DOCK5: variants seen among roughly 807,000 people sequenced by gnomAD.
DOCK5 encodes dedicator of cytokinesis protein 5.
DOCK5 carries 142 observed loss-of-function variants against 251.8 expected under a neutral mutation model. The observed-to-expected ratio is 0.56, with a 90% CI of 0.49 to 0.65. The LOEUF (loss-of-function observed/expected upper bound fraction) is 0.65, where lower values mean the gene tolerates loss of function less well. Among genes scored for constraint, DOCK5 ranks in the 30% least tolerant of loss-of-function variants. DOCK5 has a pLI of 0.00. For synonymous variants in DOCK5, 842 were observed against 835.5 expected, an observed-to-expected ratio of 1.01 and a Z score of -0.13; for missense variants, 2,111 against 2,312.3, an observed-to-expected ratio of 0.91 and a Z score of 1.79.
At chr8:25,257,740 C>G (rs964640769) in intron 2 of DOCK5, among the ~76,000 whole-genome samples, 1 of 152,108 alleles carries the variant, frequency 6.6e-6, no homozygotes, top group African/African-American at 2.4e-5. Flanking sequence ...TAGCATAACT[C>G]TTTATAAAAA....
At chr8:25,193,402 G>A (rs979168162) in intron 1 of DOCK5, among the ~76,000 whole-genome samples, 22 of 149,482 alleles carry the variant, frequency 1.5e-4, no homozygotes, top group African/African-American at 5.2e-4. Context: ...TTGCATTTAG[G>A]TACTTAGACA....
chr8:25,414,725 C>T lies in DOCK5; in HGVS notation c.*3427C>T, dbSNP rs1479498826. The T allele has an allele frequency of 6.6e-6, 1 of 152,112 alleles. No homozygotes were observed. The highest frequency in any genetic ancestry group is 1.5e-5 in the Non-Finnish European group (1 of 68,024). 9.4% of individuals were successfully genotyped at this position (152,112 alleles called of 1,614,324 possible). A position where few individuals can be genotyped will look rare whatever the true frequency, so the allele number is the denominator to read the frequency against. ...ACTGTTTTCAGCACCCCAGAAAGTT[C>T]CCACATGCCCATGGTGCCATTTTGT... is the stretch of plus-strand genomic sequence containing the variant. On this transcript the variant is annotated 3_prime_UTR_variant, in exon 52 of 52. Coordinates refer to ENST00000276440, the MANE Select transcript of DOCK5 (RefSeq NM_024940.8).
intron 27 of DOCK5, among the ~76,000 whole-genome samples, chr8:25,358,243 G>T (rs549084360): frequency 9.4e-4 from 143 of 152,330 alleles, no homozygotes; most frequent in African/African-American, 3.2e-3. Flanking sequence ...AATCATGGCA[G>T]AAGAGGAAGC....
rs774916006 is a variant in DOCK5 at position 25,410,109 on chromosome 8, G to A, written c.5415G>A (p.Ser1805=). The A allele has an allele frequency of 1.2e-5, 19 of 1,613,062 alleles. No homozygotes were observed. Among genetic ancestry groups the A allele is most frequent in the Admixed American group, 5.0e-5 (3 of 59,862 alleles). Residue 1805 remains serine, a synonymous_variant, in exon 51 of 52, where the codon TCG becomes TCA. Transcript: ENST00000276440. ...PKATRTLSSP[S]LQTDGIAATP... ...TTCTGTCATTTCTAGGCTCCCCATC[G>A]TTGCAGACAGATGGAATCGCGGCCA...
chr8:25,204,796 T>G (rs1801962122), intron 1 of DOCK5, among the ~76,000 whole-genome samples: 1 of 152,216 alleles, frequency 6.6e-6, no homozygotes, highest in South Asian at 2.1e-4. Flanking sequence ...ACTTGTGATC[T>G]TTTTCATCTG....
intron 1 of DOCK5, among the ~76,000 whole-genome samples, chr8:25,235,046 G>A (rs1279641222): frequency 6.6e-6 from 1 of 152,120 alleles, no homozygotes; most frequent in Non-Finnish European, 1.5e-5. Flanking sequence ...TGGAGGGGAG[G>A]AGACTGCTCT....
At chr8:25,318,130 C>CA in intron 14 of DOCK5, among the ~76,000 whole-genome samples, 1 of 151,984 alleles carries the variant, frequency 6.6e-6, no homozygotes, top group African/African-American at 2.4e-5. Context: ...GCACTGTCAC[C>CA]CAGGATGAAG....
Position 25,288,099 on chromosome 8 carries a change from T to C in DOCK5, c.322-3925T>C, listed in dbSNP as rs929615125. The stretch of plus-strand genomic sequence containing the variant: ...CGGGGTTTCACCGTGTTGGTCAGGC[T>C]GGTCTCGAACTCCTGACCTCAGGTG... On this transcript the variant is annotated intron_variant, in intron 5 of 51. Coordinates refer to ENST00000276440, the MANE Select transcript of DOCK5 (RefSeq NM_024940.8). Among the ~76,000 whole-genome samples the C allele has an allele frequency of 1.3e-4, 20 of 152,122 alleles. 1 individual carries two copies. Among genetic ancestry groups the C allele is most frequent in the Non-Finnish European group, 2.9e-4 (20 of 68,018 alleles).
intron 10 of DOCK5, among the ~76,000 whole-genome samples, chr8:25,303,495 C>T (rs753627071): frequency 1.1e-4 from 17 of 152,310 alleles, no homozygotes; most frequent in South Asian, 1.0e-3. Flanking sequence ...CCTGCTTAAA[C>T]GCCCAGCATC....
rs1478313440 is a variant in DOCK5 at position 25,412,089 on chromosome 8, T to TTTC, written c.*793_*794insCTT. On this transcript the variant is annotated 3_prime_UTR_variant, in exon 52 of 52. Transcript: ENST00000276440. ...TTTTGCACATACGGCTTTTTTTTTT[T>TTTC]TTTTTTTTTTTTGTCCTATTACCTC... The TTTC allele has an allele frequency of 1.0e-4, 15 of 146,468 alleles. 1 individual carries two copies. The allele number at this position is 146,468 out of a possible 1,614,324, so 9.1% of individuals were successfully genotyped here. A position where few individuals can be genotyped will look rare whatever the true frequency, so the allele number is the denominator to read the frequency against.
chr8:25,215,388 G>GGA (rs138987669), intron 1 of DOCK5, among the ~76,000 whole-genome samples: 1 of 151,912 alleles, frequency 6.6e-6, no homozygotes, highest in South Asian at 2.1e-4. Context: ...TAGAGGCTGG[G>GGA]GAGAGAGAGA....
chr8:25,401,715 C>T (rs950440599), intron 47 of DOCK5, among the ~76,000 whole-genome samples: 5 of 152,298 alleles, frequency 3.3e-5, no homozygotes, highest in African/African-American at 9.6e-5. Flanking sequence ...GCCTGGGCGA[C>T]AGAGCGAGAC....
chr8:25,335,488 T>G, intron 21 of DOCK5, among the ~76,000 whole-genome samples: 1 of 151,424 alleles, frequency 6.6e-6, no homozygotes, highest in East Asian at 1.9e-4. Flanking sequence ...AGACTCCATC[T>G]AAATAATAAT....
At chr8:25,306,005 G>A (rs1008735016) in intron 11 of DOCK5, among the ~76,000 whole-genome samples, 4 of 151,938 alleles carry the variant, frequency 2.6e-5, no homozygotes, top group Non-Finnish European at 5.9e-5. Context: ...CCACACCTTC[G>A]GACCAGTTTC....
intron 1 of DOCK5, among the ~76,000 whole-genome samples, chr8:25,226,452 C>T (rs964832627): frequency 1.9e-4 from 29 of 151,400 alleles, no homozygotes; most frequent in African/African-American, 4.4e-4. Flanking sequence ...TTATTAGAGA[C>T]GGGGTTTCGC....
chr8:25,399,443 G>C (rs1801400085), intron 45 of DOCK5, among the ~76,000 whole-genome samples: 1 of 152,164 alleles, frequency 6.6e-6, no homozygotes, highest in Non-Finnish European at 1.5e-5. Flanking sequence ...CTTAATATAG[G>C]AAAAAAGCGT....
At chr8:25,185,671 AC>A (rs1277879989) in intron 1 of DOCK5, among the ~76,000 whole-genome samples, 3 of 152,144 alleles carry the variant, frequency 2.0e-5, no homozygotes, top group African/African-American at 7.2e-5. Context: ...CGAGAAGAGG[AC>A]ATTTTATTAA....
chr8:25,276,538 G>A (rs1804045794), intron 4 of DOCK5, among the ~76,000 whole-genome samples: 1 of 152,164 alleles, frequency 6.6e-6, no homozygotes, highest in East Asian at 1.9e-4. Flanking sequence ...TGGAATCCTG[G>A]GGCTGATGGA....
intron 16 of DOCK5, among the ~76,000 whole-genome samples, chr8:25,322,681 C>G (rs755099864): frequency 6.6e-6 from 1 of 152,198 alleles, no homozygotes; most frequent in Non-Finnish European, 1.5e-5. Flanking sequence ...GTACATTCTA[C>G]TTTTATCTAC....
Sources: allele counts gnomAD v4.1 joint callset (sites outside exome capture counted in the v4.1 genomes callset), GRCh38; gene constraint gnomAD v4.1.1; transcripts MANE v1.5; gene names NCBI Gene and HGNC (gene_info 2026-07-23, HGNC 2026-07-21).